The following CNNM2 variants were observed in gnomAD, a reference collection of about 807,000 sequenced individuals.
CNNM2 encodes metal transporter CNNM2.
CNNM2 carries 12 observed loss-of-function variants against 66.9 expected under a neutral mutation model. The ratio of observed to expected loss-of-function variants is 0.18; its 90% CI spans 0.11 to 0.29. The LOEUF (loss-of-function observed/expected upper bound fraction) is 0.29, where lower values mean the gene tolerates loss of function less well. CNNM2 is among the 10% of genes least tolerant of loss of function. The probability of loss-of-function intolerance (pLI) is 1.00; values close to 1 mark genes in which losing one functional copy is unlikely to be tolerated. For synonymous variants in CNNM2, 557 were observed against 501.8 expected, an observed-to-expected ratio of 1.11 and a Z score of -1.47; for missense variants, 705 against 1,167.7, an observed-to-expected ratio of 0.60 and a Z score of 5.77.
rs748865976 is a variant in CNNM2, at chr10:103,077,000, G to A, written c.2448G>A (p.Leu816=). 7 of 1,613,942 alleles carry A rather than the reference G, an allele frequency of 4.3e-6. No homozygotes were observed. Among genetic ancestry groups the A allele is most frequent in the Non-Finnish European group, 2.5e-6 (3 of 1,179,896 alleles). ...KISRQQYQNA[L]MASRMDKTPQ... ...CAAGACAGCAATACCAAAATGCCTTGATGGCATCCCGGATGGACAAAACCC... is the reference window on the plus strand; with the variant it reads ...CAAGACAGCAATACCAAAATGCCTTAATGGCATCCCGGATGGACAAAACCC... The change falls in exon 8 of 8, where the codon TTG becomes TTA. Residue 816 remains leucine, a synonymous_variant. Coordinates refer to ENST00000369878, the MANE Select transcript of CNNM2 (RefSeq NM_017649.5).
chr10:102,977,083 G>T (rs576337973), intron 1 of CNNM2, among the ~76,000 whole-genome samples: 7 of 152,202 alleles, frequency 4.6e-5, no homozygotes, highest in African/African-American at 1.7e-4. Flanking sequence ...TTTTAGAAAA[G>T]ACATTAACAT....
At chr10:103,060,701 A>C (rs971692640) in intron 4 of CNNM2, among the ~76,000 whole-genome samples, 1 of 152,264 alleles carries the variant, frequency 6.6e-6, no homozygotes, top group Non-Finnish European at 1.5e-5. Context: ...GAAACATGCA[A>C]ATCTACATGA....
rs1564803556 is a variant in CNNM2 at position 102,918,828 on chromosome 10, C to G, written c.348C>G (p.Ser116=). ...YGQNINNETW[S]RIAFTEHERR... ...AGAACATCAATAACGAGACGTGGTC[C>G]CGCATCGCCTTCACCGAGCACGAGC... The change falls in exon 1 of 8, where the codon TCC becomes TCG. Residue 116 remains serine, a synonymous_variant. Coordinates refer to ENST00000369878, the MANE Select transcript of CNNM2 (RefSeq NM_017649.5). This position sits in a 1 kb window ranked among gnomAD's most constrained non-coding sequence, Gnocchi z 4.1. The G allele has an allele frequency of 6.3e-7, 1 of 1,592,350 alleles. No homozygotes were observed. The highest frequency in any genetic ancestry group is 2.3e-5 in the East Asian group (1 of 43,628).
In CNNM2 at chr10:103,080,914, T is replaced by C. The variant is rs1297544929; in HGVS notation, c.*3734T>C. 1 of 152,204 alleles carries C rather than the reference T, an allele frequency of 6.6e-6. No individual in the cohort carries two copies. The highest frequency in any genetic ancestry group is 2.4e-5 in the African/African-American group (1 of 41,434). 9.4% of individuals were successfully genotyped at this position (152,204 alleles called of 1,614,324 possible). A position where few individuals can be genotyped will look rare whatever the true frequency, so the allele number is the denominator to read the frequency against. On this transcript the variant is annotated 3_prime_UTR_variant, in exon 8 of 8. Transcript: ENST00000369878. Reference sequence around the variant, plus strand: ...TGGCTGATCAAGTCTGTGTCCTGCCTAGTAAAAACACACAACCACCTCTGT... The same window carrying C: ...TGGCTGATCAAGTCTGTGTCCTGCCCAGTAAAAACACACAACCACCTCTGT...
At position 103,076,145 on chromosome 10, in the gene CNNM2, A is replaced by G; in HGVS notation, c.2293A>G (p.Ser765Gly). The G allele has an allele frequency of 6.2e-7, 1 of 1,610,536 alleles. No individual in the cohort carries two copies. Among genetic ancestry groups the G allele is most frequent in the Non-Finnish European group, 8.5e-7 (1 of 1,178,546 alleles). Reference protein sequence around the residue: ...GLNHSDSLSRSDRIDAVTPTL... With the variant: ...GLNHSDSLSRGDRIDAVTPTL... ...GAATCACTCAGACTCTCTCAGTCGA[A>G]GCGACCGGATTGACGCCGTCACACC... is the stretch of plus-strand genomic sequence containing the variant. Residue 765 changes from serine (S) to glycine (G), a missense_variant, in exon 7 of 8, where the codon AGC becomes GGC. Transcript: ENST00000369878.
chr10:103,017,209 C>G (rs560736502), intron 1 of CNNM2, among the ~76,000 whole-genome samples: 8 of 152,216 alleles, frequency 5.3e-5, no homozygotes, highest in Admixed American at 4.6e-4. Flanking sequence ...TTTTAATGTT[C>G]TGGTCTGATA....
chr10:103,000,664 T>C (rs2064101724), intron 1 of CNNM2, among the ~76,000 whole-genome samples: 1 of 152,158 alleles, frequency 6.6e-6, no homozygotes. Context: ...CAGGCTGTTC[T>C]CGAACTCCTG....
chr10:102,967,467 A>G (rs10883810), intron 1 of CNNM2, among the ~76,000 whole-genome samples: 1 of 152,022 alleles, frequency 6.6e-6, no homozygotes, highest in Non-Finnish European at 1.5e-5. Context: ...AAACACTGTT[A>G]TGCTTTCTGT....
At chr10:103,040,630 C>T (rs1302440888) in intron 1 of CNNM2, among the ~76,000 whole-genome samples, 5 of 152,192 alleles carry the variant, frequency 3.3e-5, no homozygotes, top group Non-Finnish European at 7.4e-5. Context: ...AAGGTGGATC[C>T]GGAGTTGATC....
At chr10:103,047,253 C>T (rs1355876849) in intron 1 of CNNM2, among the ~76,000 whole-genome samples, 1 of 152,124 alleles carries the variant, frequency 6.6e-6, no homozygotes, top group Admixed American at 6.5e-5. Flanking sequence ...AACTAGAAAA[C>T]CTATAACCCA....
chr10:103,049,559 G>A (rs1228924770), intron 1 of CNNM2, 148 bp from the exon 2 acceptor site: 2 of 746,894 alleles, frequency 2.7e-6, no homozygotes, highest in African/African-American at 1.8e-5. Context: ...CCATTTGTTT[G>A]TGATGTCTCA....
chr10:103,040,308 T>C (rs753101960), intron 1 of CNNM2, among the ~76,000 whole-genome samples: 2 of 151,460 alleles, frequency 1.3e-5, no homozygotes, highest in African/African-American at 2.4e-5. Context: ...AAGAGCAAGG[T>C]AAAAAAGGAT....
At chr10:103,069,892 G>A (rs2065545893) in intron 5 of CNNM2, among the ~76,000 whole-genome samples, 1 of 152,228 alleles carries the variant, frequency 6.6e-6, no homozygotes, top group Admixed American at 6.5e-5. Flanking sequence ...AAGAATTCCT[G>A]AAAGCCAGGC....
chr10:103,016,096 C>A (rs1352363476), intron 1 of CNNM2, among the ~76,000 whole-genome samples: 2 of 152,120 alleles, frequency 1.3e-5, no homozygotes, highest in Admixed American at 6.5e-5. Context: ...CTGACAGAAA[C>A]AAGATCTAGC....
Position 103,031,231 on chromosome 10 carries a change from G to A in CNNM2, c.1622-18476G>A, listed in dbSNP as rs1043353507. On this transcript the variant is annotated intron_variant, in intron 1 of 7. Coordinates refer to ENST00000369878, the MANE Select transcript of CNNM2 (RefSeq NM_017649.5). Reference sequence around the variant, plus strand: ...GTGTATTTGTAAATTTTGAAAAATCGGAAAGTTTACTGTGGGCCAAAATTA... The same window carrying A: ...GTGTATTTGTAAATTTTGAAAAATCAGAAAGTTTACTGTGGGCCAAAATTA... Among the ~76,000 whole-genome samples, 6 of 152,114 alleles carry A rather than the reference G, an allele frequency of 3.9e-5. 1 individual carries two copies. The highest frequency in any genetic ancestry group is 5.9e-5 in the Non-Finnish European group (4 of 68,014).
chr10:102,969,893 T>C (rs576231818), intron 1 of CNNM2, among the ~76,000 whole-genome samples: 1 of 152,264 alleles, frequency 6.6e-6, no homozygotes, highest in Non-Finnish European at 1.5e-5. Context: ...TCCGCCCACC[T>C]CGGCCTCCCA....
At chr10:103,000,581 G>A (rs559311587) in intron 1 of CNNM2, among the ~76,000 whole-genome samples, 1 of 152,138 alleles carries the variant, frequency 6.6e-6, no homozygotes, top group South Asian at 2.1e-4. Flanking sequence ...TCCCTCCCAA[G>A]TAGCTGGGAT....
rs1009867728 is a variant in CNNM2, at chr10:103,088,973, A to G, written c.*11793A>G. 1 of 209,518 alleles carries G rather than the reference A, an allele frequency of 4.8e-6. No homozygotes were observed. Among genetic ancestry groups the G allele is most frequent in the Non-Finnish European group, 9.7e-6 (1 of 103,068 alleles). 13.0% of individuals were successfully genotyped at this position (209,518 alleles called of 1,614,324 possible). A position where few individuals can be genotyped will look rare whatever the true frequency, so the allele number is the denominator to read the frequency against. The stretch of plus-strand genomic sequence containing the variant: ...AATTCTTTCTATAGATTTATCACAG[A>G]TAAGAAGGAGGTTGTTTTTGGATAA... On this transcript the variant is annotated 3_prime_UTR_variant, in exon 8 of 8. Coordinates refer to ENST00000369878, the MANE Select transcript of CNNM2 (RefSeq NM_017649.5).
chr10:103,048,260 G>C (rs2065161016), intron 1 of CNNM2, among the ~76,000 whole-genome samples: 1 of 143,088 alleles, frequency 7.0e-6, no homozygotes, highest in African/African-American at 2.6e-5. Context: ...TGTTGCCCAG[G>C]CCTGGAGTGC....
Sources: gnomAD v4.1 joint callset for allele counts (sites outside exome capture counted in the v4.1 genomes callset) on GRCh38, gnomAD v4.1.1 for gene constraint, Gnocchi (gnomAD v3.1) non-coding constraint, MANE v1.5 for transcripts, NCBI Gene and HGNC (gene_info 2026-07-23, HGNC 2026-07-21) for gene names.